SCAI: variants seen among roughly 807,000 people sequenced by gnomAD.
The protein encoded by SCAI is suppressor of cancer cell invasion, also known as protein SCAI.
In SCAI, 24 loss-of-function variants were observed where a neutral mutation model predicts 92.2. The ratio of observed to expected loss-of-function variants is 0.26; its 90% CI spans 0.19 to 0.37. The LOEUF (loss-of-function observed/expected upper bound fraction) is 0.37. SCAI is among the 10% of genes least tolerant of loss of function. The pLI, the probability that SCAI is intolerant of heterozygous loss-of-function variation, is 1.00. For synonymous variants in SCAI, 261 were observed against 258.6 expected (o/e 1.01, Z -0.09); for missense variants, 450 against 736.2 (o/e 0.61, Z 4.50).
At chr9:125,073,092 A>ATTTTTTTTTTTTTTTTTTTTTTTTT (rs764858681) in intron 2 of SCAI, among the ~76,000 whole-genome samples, 2 of 72,448 alleles carry the variant, frequency 2.8e-5, no homozygotes, top group African/African-American at 1.1e-4. Flanking sequence ...TCTATTTTTA[A>ATTTTTTTTTTTTTTTTTTTTTTTTT]TTTTTTTTTT....
At position 125,055,873 on chromosome 9, in the gene SCAI, C is replaced by A; in HGVS notation, c.230+3G>T. On this transcript the variant is annotated splice_donor_region_variant and intron_variant, in intron 3 of 17. Coordinates refer to ENST00000336505, the MANE Select transcript of SCAI (RefSeq NM_001144877.3). ...AAGTTCAAAACACCAAGAGTCCACT[C>A]ACCTTAACCCATTGAACAGTTGCTT... is the stretch of plus-strand genomic sequence containing the variant. 6.2e-7 allele frequency: 1 copy of A among 1,600,096 alleles called. No individual in the cohort carries two copies. Among genetic ancestry groups the A allele is most frequent in the South Asian group, 1.1e-5 (1 of 87,730 alleles).
At chr9:124,956,077 A>G (rs1046812538) in intron 17 of SCAI, among the ~76,000 whole-genome samples, 3 of 152,232 alleles carry the variant, frequency 2.0e-5, no homozygotes, top group African/African-American at 7.2e-5. Context: ...TGAAGACATT[A>G]CGAGAAAAAT....
chr9:125,056,192 G>A (rs995040371), intron 2 of SCAI, among the ~76,000 whole-genome samples, 185 bp from the exon 3 acceptor site: 7 of 152,140 alleles, frequency 4.6e-5, no homozygotes, highest in Non-Finnish European at 1.0e-4. Flanking sequence ...TCAGTCGGGC[G>A]CAGTGGCTTA....
rs540051145 is a variant in SCAI at position 125,022,280 on chromosome 9, C to A, written c.513-1511G>T. 2.1e-3 allele frequency among the ~76,000 whole-genome samples: 323 copies of A among 152,130 alleles called. 2 individuals are homozygous for A. Among genetic ancestry groups the A allele is most frequent in the South Asian group, 0.011 (53 of 4,818 alleles). ...GAATTGTTCCTTTCATCAGAGTAAA[C>A]CTCTATTCTCAATAATACTTTCTAC... On this transcript the variant is annotated intron_variant, in intron 6 of 17. Coordinates refer to ENST00000336505, the MANE Select transcript of SCAI (RefSeq NM_001144877.3).
chr9:125,019,764 T>C (rs189976877), intron 7 of SCAI, among the ~76,000 whole-genome samples: 1 of 152,228 alleles, frequency 6.6e-6, no homozygotes, highest in Non-Finnish European at 1.5e-5. Flanking sequence ...GAGCTACTTC[T>C]GGTGGCCTTG....
At chr9:125,077,390 A>G (rs529063866) in intron 2 of SCAI, among the ~76,000 whole-genome samples, 1 of 152,318 alleles carries the variant, frequency 6.6e-6, no homozygotes, top group African/African-American at 2.4e-5. Flanking sequence ...TTTGGCTACT[A>G]TGAATAATAC....
intron 9 of SCAI, among the ~76,000 whole-genome samples, chr9:125,004,779 ATTTTTTTTTTTTTTTTTTT>A (rs869167558): frequency 4.6e-4 from 6 of 13,170 alleles, no homozygotes; most frequent in African/African-American, 1.5e-3. Flanking sequence ...ATATATATAT[ATTTTTTTTTTTTTTTTTTT>A]TTTTTTTGAG....
At chr9:125,093,495 C>T (rs1834483566) in intron 2 of SCAI, among the ~76,000 whole-genome samples, 1 of 152,016 alleles carries the variant, frequency 6.6e-6, no homozygotes, top group Non-Finnish European at 1.5e-5. Context: ...ATGTTCTCTT[C>T]TCCACTCATT....
Position 125,125,483 on chromosome 9 carries a change from G to A in SCAI, c.98+17150C>T, listed in dbSNP as rs140241497. 6.9e-4 allele frequency among the ~76,000 whole-genome samples: 101 copies of A among 146,728 alleles called. No homozygotes were observed. The East Asian group carries it at 8.4e-3, about 12-fold the overall frequency. On this transcript the variant is annotated intron_variant, in intron 2 of 17. Transcript: ENST00000336505. Reference sequence around the variant, plus strand: ...GTGGAGGTTGCAGTGAGCCAAGATCGTGCCACTCCACTCCAGTCTGGGCAA... The same window carrying A: ...GTGGAGGTTGCAGTGAGCCAAGATCATGCCACTCCACTCCAGTCTGGGCAA...
At position 125,106,123 on chromosome 9, in the gene SCAI, ATAT is replaced by A. The variant is rs1264359768; in HGVS notation, c.98+36507_98+36509del. Among the ~76,000 whole-genome samples the A allele has an allele frequency of 7.4e-3, 68 of 9,248 alleles. 1 individual carries two copies. Among genetic ancestry groups the A allele is most frequent in the Non-Finnish European group, 0.017 (58 of 3,486 alleles). The allele number at this position is 9,248 out of a possible 152,430, so 6.1% of individuals were successfully genotyped here. On this transcript the variant is annotated intron_variant, in intron 2 of 17. Transcript: ENST00000336505. Reference sequence around the variant, plus strand: ...AAAAAAAAAAAAAAAAAAAAAAAAAATATATATATATATATATATATATATATA... The same window carrying A: ...AAAAAAAAAAAAAAAAAAAAAAAAAAATATATATATATATATATATATATA...
At chr9:125,133,593 A>G (rs1835451185) in intron 2 of SCAI, among the ~76,000 whole-genome samples, 1 of 152,176 alleles carries the variant, frequency 6.6e-6, no homozygotes, top group Non-Finnish European at 1.5e-5. Context: ...GAAAACCACA[A>G]TGACACGTAC....
chr9:125,136,786 TG>T (rs1486380651), intron 2 of SCAI, among the ~76,000 whole-genome samples: 1,858 of 146,240 alleles, frequency 0.013, 34 homozygotes, highest in African/African-American at 0.045. Context: ...TTTTTTTTTT[TG>T]AGACGAAGTC....
intron 2 of SCAI, among the ~76,000 whole-genome samples, chr9:125,136,596 G>A (rs1342437428): frequency 2.0e-5 from 3 of 150,790 alleles, no homozygotes; most frequent in Admixed American, 6.7e-5. Flanking sequence ...GAGTAGCTAG[G>A]ATTACAGCTG....
intron 5 of SCAI, among the ~76,000 whole-genome samples, chr9:125,027,248 G>A (rs1832981820): frequency 6.6e-6 from 1 of 152,120 alleles, no homozygotes. Context: ...AATCCATACA[G>A]TCCTTTGGCC....
chr9:125,021,239 G>A (rs899460269), intron 6 of SCAI, among the ~76,000 whole-genome samples: 22 of 152,192 alleles, frequency 1.4e-4, no homozygotes, highest in Middle Eastern at 3.2e-3. Context: ...ACAACGAAGC[G>A]TGGAAGACTA....
chr9:124,970,949 G>C (rs755130801), intron 17 of SCAI, among the ~76,000 whole-genome samples: 38 of 151,906 alleles, frequency 2.5e-4, no homozygotes, highest in Non-Finnish European at 4.3e-4. Flanking sequence ...AGAGTAGCTG[G>C]GATTACAGGC....
chr9:124,978,015 T>A (rs192333302), intron 14 of SCAI, among the ~76,000 whole-genome samples: 1 of 152,184 alleles, frequency 6.6e-6, no homozygotes, highest in Admixed American at 6.5e-5. Context: ...TAACTATGAT[T>A]GATAAACCTA....
intron 2 of SCAI, among the ~76,000 whole-genome samples, chr9:125,135,623 G>A (rs115656745): frequency 0.021 from 3,111 of 149,140 alleles, 94 homozygotes; most frequent in African/African-American, 0.068. Context: ...ACTGCACTCC[G>A]GTCTGGGAAA....
At chr9:125,141,888 C>T (rs192516004) in intron 2 of SCAI, among the ~76,000 whole-genome samples, 2 of 152,278 alleles carry the variant, frequency 1.3e-5, no homozygotes, top group East Asian at 3.9e-4. Flanking sequence ...ATAGAGCATT[C>T]GTACACAGTA....
Sources: allele counts gnomAD v4.1 joint callset (sites outside exome capture counted in the v4.1 genomes callset), GRCh38; gene constraint gnomAD v4.1.1; transcripts MANE v1.5; gene names NCBI Gene and HGNC (gene_info 2026-07-23, HGNC 2026-07-21).